The following VPS53 variants were observed in gnomAD, a reference collection of about 807,000 sequenced individuals.
VPS53 encodes the protein VPS53 subunit of GARP complex, also known as vacuolar protein sorting-associated protein 53 homolog.
VPS53 carries 70 observed loss-of-function variants against 107.0 expected under a neutral mutation model. The observed-to-expected ratio is 0.65, with a 90% CI of 0.54 to 0.80. The LOEUF (loss-of-function observed/expected upper bound fraction) is 0.80, where lower values mean the gene tolerates loss of function less well. Among genes scored for constraint, VPS53 ranks in the 30% least tolerant of loss-of-function variants. VPS53 has a pLI of 0.00. For synonymous variants in VPS53, 409 were observed against 393.3 expected (o/e 1.04, Z -0.47); for missense variants, 917 against 1,049.4 (o/e 0.87, Z 1.74).
intron 7 of VPS53, among the ~76,000 whole-genome samples, chr17:647,312 C>T (rs1244824268): frequency 6.6e-6 from 1 of 152,220 alleles, no homozygotes; most frequent in African/African-American, 2.4e-5. Flanking sequence ...CTGGAATCTT[C>T]TATTAATGTC....
In VPS53 at chr17:657,977, GA is replaced by G. The variant is rs1380661255; in HGVS notation, c.373-2025del. ...AAACTCGGCAGGGAGTTCGTGGATA[GA>G]TACATCCCACTAAAGTGAGATACTC... On this transcript the variant is annotated intron_variant, in intron 5 of 21. Transcript: ENST00000437048. 3.1e-3 allele frequency among the ~76,000 whole-genome samples: 451 copies of G among 146,400 alleles called. 8 individuals carry two copies. The highest frequency in any genetic ancestry group is 0.011 in the African/African-American group (428 of 39,384).
rs1193944610 is a variant in VPS53, at chr17:578,518, C to A, written c.1313+7752G>T. Among the ~76,000 whole-genome samples the A allele has an allele frequency of 2.7e-5, 4 of 150,348 alleles. No individual in the cohort carries two copies. The East Asian group carries it at 5.9e-4, about 22-fold the overall frequency. On this transcript the variant is annotated intron_variant, in intron 13 of 21. Coordinates refer to ENST00000437048, the MANE Select transcript of VPS53 (RefSeq NM_001128159.3). Reference sequence around the variant, plus strand: ...CATTCCTAGAGAACTTCCCTCAGAACCTAATGCGTTCCCAGAGATCCTCCC... The same window carrying A: ...CATTCCTAGAGAACTTCCCTCAGAAACTAATGCGTTCCCAGAGATCCTCCC...
chr17:552,909 T>C (rs1244567478), intron 16 of VPS53: 1 of 404,066 alleles, frequency 2.5e-6, no homozygotes, highest in East Asian at 3.9e-5. Flanking sequence ...CGAGCAAGTG[T>C]GTACAAGGTA....
intron 17 of VPS53, among the ~76,000 whole-genome samples, chr17:542,199 T>C (rs1910751501): frequency 6.6e-6 from 1 of 152,202 alleles, no homozygotes. Context: ...GAATGAATCA[T>C]GTAGTGAAAG....
intron 4 of VPS53, among the ~76,000 whole-genome samples, chr17:672,125 C>A (rs992427347): frequency 6.8e-6 from 1 of 147,720 alleles, no homozygotes; most frequent in Non-Finnish European, 1.5e-5. Context: ...CACACACACA[C>A]ACACACACAC....
At chr17:555,897 G>C (rs759778043) in intron 15 of VPS53, among the ~76,000 whole-genome samples, 15 of 152,090 alleles carry the variant, frequency 9.9e-5, no homozygotes, top group Non-Finnish European at 2.1e-4. Context: ...CCAAAACTTG[G>C]GAAAATCTAC....
rs1910123972 is a variant in VPS53 at position 536,917 on chromosome 17, G to A, written c.2015+111C>T. On this transcript the variant is annotated intron_variant, in intron 18 of 21. Transcript: ENST00000437048. ...GCATGTTGGGGGGGTCAGGTACACG[G>A]GAAATCTCTGTGCTTGCTGCTTAAT... 2.5e-5 allele frequency: 35 copies of A among 1,398,706 alleles called. 1 individual carries two copies. The South Asian group carries it at 4.7e-4, about 19-fold the overall frequency. The allele number at this position is 1,398,706 out of a possible 1,614,324, so 86.6% of individuals were successfully genotyped here. A position where few individuals can be genotyped will look rare whatever the true frequency, so the allele number is the denominator to read the frequency against.
intron 13 of VPS53, among the ~76,000 whole-genome samples, chr17:563,644 C>T (rs1913230791): frequency 6.6e-6 from 1 of 152,162 alleles, no homozygotes; most frequent in African/African-American, 2.4e-5. Context: ...TATTACTATC[C>T]TCATTTTCAA....
chr17:600,412 G>C (rs1474487384), intron 12 of VPS53, among the ~76,000 whole-genome samples: 1 of 152,264 alleles, frequency 6.6e-6, no homozygotes, highest in African/African-American at 2.4e-5. Flanking sequence ...TCTACACCCA[G>C]AGCCTTCTTT....
At chr17:709,587 C>A (rs1378689948) in intron 2 of VPS53, among the ~76,000 whole-genome samples, 4 of 152,164 alleles carry the variant, frequency 2.6e-5, no homozygotes. Context: ...TGATCCTGCA[C>A]ACCTCAAGGG....
At chr17:571,570 C>T (rs1914085969) in intron 13 of VPS53, among the ~76,000 whole-genome samples, 1 of 123,560 alleles carries the variant, frequency 8.1e-6, no homozygotes, top group Non-Finnish European at 1.8e-5. Flanking sequence ...CCCTCTCTTT[C>T]CACGGTCTCC....
chr17:597,884 T>C (rs1027512309), intron 12 of VPS53, among the ~76,000 whole-genome samples: 5 of 151,826 alleles, frequency 3.3e-5, no homozygotes, highest in Admixed American at 3.3e-4. Flanking sequence ...TTTTTTTAAA[T>C]TACATAAAAC....
At chr17:561,598 T>G (rs1912996645) in intron 14 of VPS53, among the ~76,000 whole-genome samples, 1 of 152,194 alleles carries the variant, frequency 6.6e-6, no homozygotes, top group Non-Finnish European at 1.5e-5. Flanking sequence ...TTACGTTCTC[T>G]TTGGGTAGTG....
rs542679237 is a variant in VPS53 at position 553,756 on chromosome 17, G to A, written c.1705-294C>T. Among the ~76,000 whole-genome samples, 159 of 152,076 alleles carry A rather than the reference G, an allele frequency of 1.0e-3. 1 individual carries two copies. The highest frequency in any genetic ancestry group is 3.5e-3 in the African/African-American group (146 of 41,514). ...CGGCTAATTTTATATTTTTAGTAGA[G>A]ATGGGGTTTCACCATGTTGGTCAGG... On this transcript the variant is annotated intron_variant, in intron 15 of 21. Transcript: ENST00000437048.
At chr17:692,672 A>T (rs1167858548) in intron 4 of VPS53, among the ~76,000 whole-genome samples, 1 of 152,336 alleles carries the variant, frequency 6.6e-6, no homozygotes, top group Non-Finnish European at 1.5e-5. Flanking sequence ...AGACACCATG[A>T]ATGTGAAGTC....
chr17:652,005 ATT>A (rs397967122), intron 7 of VPS53, among the ~76,000 whole-genome samples: 13 of 142,156 alleles, frequency 9.1e-5, no homozygotes, highest in Non-Finnish European at 1.4e-4. Flanking sequence ...GGTTCACTGT[ATT>A]TTTTTTTTTT....
intron 7 of VPS53, among the ~76,000 whole-genome samples, chr17:645,088 T>C (rs1335785362): frequency 6.6e-6 from 1 of 152,242 alleles, no homozygotes; most frequent in Non-Finnish European, 1.5e-5. Context: ...ACAGTGATTA[T>C]TAAGTTCCTT....
intron 3 of VPS53, among the ~76,000 whole-genome samples, chr17:698,256 A>G (rs868710836): frequency 6.6e-6 from 1 of 152,100 alleles, no homozygotes; most frequent in Non-Finnish European, 1.5e-5. Context: ...AACACAGTGT[A>G]ACCCTGTAAC....
rs1347474245 is a variant in VPS53 at position 533,862 on chromosome 17, CAG to C, written c.2016-953_2016-952del. Among the ~76,000 whole-genome samples, 9 of 149,808 alleles carry C rather than the reference CAG, an allele frequency of 6.0e-5. No individual in the cohort carries two copies. The East Asian group carries it at 1.8e-3, about 30-fold the overall frequency. On this transcript the variant is annotated intron_variant, in intron 18 of 21. Coordinates refer to ENST00000437048, the MANE Select transcript of VPS53 (RefSeq NM_001128159.3). ...CATAAACTTTTTTTTTTTTTTGAGA[CAG>C]AGTCTCGCTCTGTCACCCAGGCTGG...
Sources: gnomAD v4.1 joint callset for allele counts (sites outside exome capture counted in the v4.1 genomes callset) on GRCh38, gnomAD v4.1.1 for gene constraint, MANE v1.5 for transcripts, NCBI Gene and HGNC (gene_info 2026-07-23, HGNC 2026-07-21) for gene names.